ARHGAP44: variants seen among roughly 807,000 people sequenced by gnomAD.
The protein encoded by ARHGAP44 is rho GTPase-activating protein 44.
A neutral mutation model predicts 106.8 loss-of-function variants in ARHGAP44; 43 were observed. The ratio of observed to expected loss-of-function variants is 0.40; its 90% CI spans 0.32 to 0.52. The LOEUF (loss-of-function observed/expected upper bound fraction) is 0.52. Ranked by LOEUF, ARHGAP44 falls within the 20% of genes least tolerant of loss-of-function variation. ARHGAP44 has a pLI of 0.48. For missense variants in ARHGAP44, 866 were observed against 1,050.5 expected, an observed-to-expected ratio of 0.82 and a Z score of 2.43; for synonymous variants, 439 against 410.3, an observed-to-expected ratio of 1.07 and a Z score of -0.85.
chr17:12,971,119 C>T (rs1310977129), intron 16 of ARHGAP44, among the ~76,000 whole-genome samples: 2 of 152,200 alleles, frequency 1.3e-5, no homozygotes. Context: ...GCACTGTAGC[C>T]TCTTTACAAG....
chr17:12,976,760 G>A (rs1196753945), intron 18 of ARHGAP44, among the ~76,000 whole-genome samples: 1 of 152,156 alleles, frequency 6.6e-6, no homozygotes, highest in Non-Finnish European at 1.5e-5. Context: ...GAGGATGCTC[G>A]GTCCTGGCTG....
intron 1 of ARHGAP44, among the ~76,000 whole-genome samples, chr17:12,829,503 TCTCTG>T (rs2035025624): frequency 6.6e-6 from 1 of 152,170 alleles, no homozygotes. Context: ...ATCTGGGACC[TCTCTG>T]CACCTCCTCA....
Position 12,987,401 on chromosome 17 carries a change from C to T in ARHGAP44, c.2317+2493C>T, listed in dbSNP as rs1598170069. The stretch of plus-strand genomic sequence containing the variant: ...GGAGAACCCAGCCAGCCCCTTTCCC[C>T]CACCTTCTCTTTCACTGGAATCACA... On this transcript the variant is annotated intron_variant, in intron 20 of 20. Coordinates refer to ENST00000379672, the MANE Select transcript of ARHGAP44 (RefSeq NM_014859.6). 9.3e-6 allele frequency: 4 copies of T among 428,686 alleles called. No homozygotes were observed. In the East Asian group the frequency reaches 1.5e-4, roughly 16 times the overall value. The allele number at this position is 428,686 out of a possible 1,614,324, so 26.6% of individuals were successfully genotyped here.
Position 12,949,486 on chromosome 17 carries a change from T to G in ARHGAP44, c.974-163T>G, listed in dbSNP as rs1048622330. On this transcript the variant is annotated intron_variant, in intron 11 of 20. Transcript: ENST00000379672. The surrounding 1 kb of genome is among the most constrained non-coding windows in gnomAD (Gnocchi z 4.1). ...GGGAAGAAAGAGGGGCCAGGTCCCC[T>G]GTCAGAGCCTCATACCCATTTCCAT... 6.6e-6 allele frequency among the ~76,000 whole-genome samples: 1 copy of G among 152,200 alleles called. No homozygotes were observed. Among genetic ancestry groups the G allele is most frequent in the Non-Finnish European group, 1.5e-5 (1 of 68,036 alleles).
At chr17:12,954,192 C>T (rs1176417286) in intron 13 of ARHGAP44, among the ~76,000 whole-genome samples, 1 of 152,086 alleles carries the variant, frequency 6.6e-6, no homozygotes, top group African/African-American at 2.4e-5. Context: ...GCCACGGCGC[C>T]TGGCTGAGAT....
intron 1 of ARHGAP44, among the ~76,000 whole-genome samples, chr17:12,853,690 T>C (rs1237493458): frequency 6.6e-6 from 1 of 152,240 alleles, no homozygotes. Context: ...GATAAAATTC[T>C]TCAAGACATG....
chr17:12,930,913 A>G (rs573940047), intron 7 of ARHGAP44, among the ~76,000 whole-genome samples: 5 of 152,324 alleles, frequency 3.3e-5, no homozygotes, highest in East Asian at 3.9e-4. Flanking sequence ...CATTATGACA[A>G]TGCACTTTGT....
chr17:12,806,711 T>G (rs2034284588), intron 1 of ARHGAP44, among the ~76,000 whole-genome samples: 2 of 152,246 alleles, frequency 1.3e-5, no homozygotes, highest in African/African-American at 4.8e-5. Context: ...CAAGCCCATT[T>G]AGGTTTTGTC....
At chr17:12,918,284 A>G (rs1029688766) in intron 5 of ARHGAP44, among the ~76,000 whole-genome samples, 1 of 152,196 alleles carries the variant, frequency 6.6e-6, no homozygotes, top group Non-Finnish European at 1.5e-5. Flanking sequence ...AAGTTGTTAC[A>G]CGCAGAACAT....
intron 12 of ARHGAP44, among the ~76,000 whole-genome samples, chr17:12,950,365 T>C (rs1382357983): frequency 1.3e-5 from 2 of 152,018 alleles, no homozygotes; most frequent in Non-Finnish European, 2.9e-5. Flanking sequence ...GCAGCCTCTC[T>C]CTCCCCTCCT....
At chr17:12,976,116 A>G (rs2039674295) in intron 18 of ARHGAP44, among the ~76,000 whole-genome samples, 1 of 152,262 alleles carries the variant, frequency 6.6e-6, no homozygotes, top group East Asian at 1.9e-4. Context: ...GCATTCCTCC[A>G]TGACCACTGC....
intron 1 of ARHGAP44, among the ~76,000 whole-genome samples, chr17:12,888,922 A>T (rs4791515): frequency 0.2 from 30,044 of 151,990 alleles, 3,729 homozygotes; most frequent in East Asian, 0.44. Context: ...TTTTTGGATC[A>T]GTGCTTCCAT....
At chr17:12,959,900 A>G (rs2039217533) in intron 16 of ARHGAP44, among the ~76,000 whole-genome samples, 2 of 152,264 alleles carry the variant, frequency 1.3e-5, no homozygotes, top group Admixed American at 6.5e-5. Flanking sequence ...GCAGCCAGAA[A>G]GATATGCTTG....
intron 16 of ARHGAP44, among the ~76,000 whole-genome samples, chr17:12,960,091 G>A (rs2039221859): frequency 6.6e-6 from 1 of 152,134 alleles, no homozygotes; most frequent in South Asian, 2.1e-4. Flanking sequence ...TTTCACAATG[G>A]CCAGTATCTC....
chr17:12,808,047 G>A (rs920008060), intron 1 of ARHGAP44, among the ~76,000 whole-genome samples: 4 of 152,234 alleles, frequency 2.6e-5, no homozygotes, highest in Non-Finnish European at 4.4e-5. Context: ...CAGTAGGGCA[G>A]TTATTAAACC....
chr17:12,850,265 A>G (rs2035699402), intron 1 of ARHGAP44, among the ~76,000 whole-genome samples: 1 of 152,200 alleles, frequency 6.6e-6, no homozygotes, highest in Non-Finnish European at 1.5e-5. Context: ...ACCTGGGGCC[A>G]AGTCAGACTT....
chr17:12,971,217 G>A (rs2039520890), intron 16 of ARHGAP44, among the ~76,000 whole-genome samples: 1 of 152,136 alleles, frequency 6.6e-6, no homozygotes, highest in African/African-American at 2.4e-5. Context: ...CCTACCCCAT[G>A]CCCAAGCTGA....
At chr17:12,947,671 C>T (rs867741114) in intron 10 of ARHGAP44, among the ~76,000 whole-genome samples, 2 of 152,342 alleles carry the variant, frequency 1.3e-5, no homozygotes, top group Middle Eastern at 3.4e-3. Context: ...AATCTAAAGG[C>T]TTATCTGTGA....
intron 1 of ARHGAP44, among the ~76,000 whole-genome samples, chr17:12,830,829 C>T (rs577693684): frequency 6.6e-5 from 10 of 152,194 alleles, no homozygotes; most frequent in Non-Finnish European, 1.2e-4. Context: ...AATTTACACA[C>T]AAGCTTAGCT....
Sources: gnomAD v4.1 joint callset for allele counts (sites outside exome capture counted in the v4.1 genomes callset) on GRCh38, gnomAD v4.1.1 for gene constraint, Gnocchi (gnomAD v3.1) non-coding constraint, MANE v1.5 for transcripts, NCBI Gene and HGNC (gene_info 2026-07-23, HGNC 2026-07-21) for gene names.